Variants in ARHGEF1 observed in about 807,000 individuals in gnomAD.
The protein encoded by ARHGEF1 is 115 kDa guanine nucleotide exchange factor.
Under a neutral mutation model 119.7 loss-of-function variants are expected in ARHGEF1, and 40 were observed. The ratio of observed to expected loss-of-function variants is 0.33; its 90% CI spans 0.26 to 0.44. The LOEUF is 0.44. ARHGEF1 is among the 20% of genes least tolerant of loss of function. The probability of loss-of-function intolerance (pLI) is 1.00; values close to 1 mark genes in which losing one functional copy is unlikely to be tolerated. For synonymous variants in ARHGEF1, 494 were observed against 521.0 expected (o/e 0.95, Z 0.71); for missense variants, 976 against 1,268.3 (o/e 0.77, Z 3.50).
Position 41,906,182 on chromosome 19 carries a change from C to T in ARHGEF1, c.2491+157C>T. ...AGCCTGCACCACTGTCCTGGGTGCC[C>T]ACGTCCCTCTTCTGCAGCCACCATC... On this transcript the variant is annotated intron_variant, in intron 26 of 28. Coordinates refer to ENST00000354532, the MANE Select transcript of ARHGEF1 (RefSeq NM_004706.4). This position sits in a 1 kb window ranked among gnomAD's most constrained non-coding sequence, Gnocchi z 4.5. 1.4e-6 allele frequency: 1 copy of T among 715,976 alleles called. No homozygotes were observed. The highest frequency in any genetic ancestry group is 2.3e-6 in the Non-Finnish European group (1 of 430,478). The allele number at this position is 715,976 out of a possible 1,614,324, so 44.4% of individuals were successfully genotyped here. A position where few individuals can be genotyped will look rare whatever the true frequency, so the allele number is the denominator to read the frequency against.
downstream of ARHGEF1, among the ~76,000 whole-genome samples, chr19:41,912,281 A>G (rs1170832850): frequency 6.6e-6 from 1 of 152,058 alleles, no homozygotes; most frequent in Non-Finnish European, 1.5e-5. Context: ...TGAGACCCCA[A>G]ATAACCAAGG....
chr19:41,928,783 C>T (rs782805327), intron 1 of ARHGEF1: 13 of 389,782 alleles, frequency 3.3e-5, no homozygotes, highest in African/African-American at 2.3e-4. Context: ...GGTGGAGAGA[C>T]CCCCCTCCTC....
chr19:41,885,233 C>A (rs964853278), intron 1 of ARHGEF1, among the ~76,000 whole-genome samples: 1 of 152,140 alleles, frequency 6.6e-6, no homozygotes, highest in African/African-American at 2.4e-5. Context: ...CCTAAACAGG[C>A]GACACTCCTC....
downstream of ARHGEF1, chr19:41,909,262 G>C (rs2074739018): frequency 1.4e-5 from 17 of 1,232,406 alleles, no homozygotes; most frequent in African/African-American, 1.6e-5. This position sits in a 1 kb window ranked among gnomAD's most constrained non-coding sequence, Gnocchi z 5.2. Flanking sequence ...CAGGACCCCA[G>C]TACCCAGACT....
chr19:41,913,010 C>T (rs2074762998), intron 18 of ARHGEF1: 3 of 592,870 alleles, frequency 5.1e-6, no homozygotes, highest in Non-Finnish European at 7.4e-6. Context: ...GGGCGCTGCC[C>T]GGGGCCTTCC....
chr19:41,922,573 G>T (rs578203254), upstream of ARHGEF1, among the ~76,000 whole-genome samples: 2 of 152,240 alleles, frequency 1.3e-5, no homozygotes, highest in South Asian at 2.1e-4. Flanking sequence ...AAACATGAGG[G>T]GCAGAGAACT....
At chr19:41,897,773 G>A (rs886905374) in intron 13 of ARHGEF1, 25 of 566,828 alleles carry the variant, frequency 4.4e-5, no homozygotes, top group East Asian at 2.0e-4. Context: ...CCCTGTCCTC[G>A]TCTCTCCCCA....
rs894839192 is a variant in ARHGEF1, at chr19:41,917,964, T to C, written c.1866-5128T>C. On this transcript the variant is annotated intron_variant, in intron 18 of 20. Coordinates refer to the ARHGEF1 transcript ENST00000599589. This position sits in a 1 kb window ranked among gnomAD's most constrained non-coding sequence, Gnocchi z 4.8. ...CTCACACACCTGTCCGTCCAGACTA[T>C]AGCCACGTCCATGTGTACACAGAGC... Among the ~76,000 whole-genome samples, 25 of 151,862 alleles carry C rather than the reference T, an allele frequency of 1.6e-4. No homozygotes were observed. The highest frequency in any genetic ancestry group is 5.6e-4 in the African/African-American group (23 of 41,254).
At chr19:41,908,985 T>C, downstream of ARHGEF1, 1 of 955,862 alleles carries the variant, frequency 1.0e-6, no homozygotes, top group East Asian at 3.3e-5. The surrounding 1 kb of genome is among the most constrained non-coding windows in gnomAD (Gnocchi z 6.7). Flanking sequence ...TCTCTTGTCT[T>C]TTCTCATCCT....
rs1327130269 is a variant in ARHGEF1 at position 41,904,774 on chromosome 19, T to C, written c.2162-175T>C. Among the ~76,000 whole-genome samples, 2 of 151,528 alleles carry C rather than the reference T, an allele frequency of 1.3e-5. No homozygotes were observed. The highest frequency in any genetic ancestry group is 4.9e-5 in the African/African-American group (2 of 41,196). Reference sequence around the variant, plus strand: ...CGATTCCATAAGGAGGTGTGAGAGGTGGGGCTCAGGAGGACACATCGGGCC... The same window carrying C: ...CGATTCCATAAGGAGGTGTGAGAGGCGGGGCTCAGGAGGACACATCGGGCC... On this transcript the variant is annotated intron_variant, in intron 22 of 28. Transcript: ENST00000354532. The surrounding 1 kb of genome is among the most constrained non-coding windows in gnomAD (Gnocchi z 8.4).
In ARHGEF1 at chr19:41,902,114, G is replaced by A. The variant is rs782319884; in HGVS notation, c.1414+81G>A. ...CTCTAGCCCTGGGTTCAACCTGCTCGGGAACCCCAGGGTTCACATGGGGTG... is the reference window on the plus strand; with the variant it reads ...CTCTAGCCCTGGGTTCAACCTGCTCAGGAACCCCAGGGTTCACATGGGGTG... On this transcript the variant is annotated intron_variant, in intron 15 of 28. Transcript: ENST00000354532. The surrounding 1 kb of genome is among the most constrained non-coding windows in gnomAD (Gnocchi z 6.5). 7.2e-5 allele frequency: 114 copies of A among 1,579,098 alleles called. No homozygotes were observed. Among genetic ancestry groups the A allele is most frequent in the African/African-American group, 2.3e-4 (17 of 74,204 alleles).
chr19:41,920,308 CAT>C (rs2074833881), upstream of ARHGEF1, among the ~76,000 whole-genome samples: 1 of 145,674 alleles, frequency 6.9e-6, no homozygotes, highest in Non-Finnish European at 1.5e-5. Flanking sequence ...CGCTCACAGA[CAT>C]GACATGCCCA....
At position 41,906,846 on chromosome 19, in the gene ARHGEF1, G is replaced by T; in HGVS notation, c.*17+43G>T. The stretch of plus-strand genomic sequence containing the variant: ...GGGCCAGGGCGCTGTCCTGAAAGGA[G>T]GGTCCCCCTCCAGAGCTCGCATCCC... On this transcript the variant is annotated intron_variant, in intron 28 of 28. Coordinates refer to ENST00000354532, the MANE Select transcript of ARHGEF1 (RefSeq NM_004706.4). This position sits in a 1 kb window ranked among gnomAD's most constrained non-coding sequence, Gnocchi z 4.5. 1 of 1,494,194 alleles carries T rather than the reference G, an allele frequency of 6.7e-7. No individual in the cohort carries two copies. The highest frequency in any genetic ancestry group is 2.3e-5 in the East Asian group (1 of 42,896). The allele number at this position is 1,494,194 out of a possible 1,614,324, so 92.6% of individuals were successfully genotyped here. A position where few individuals can be genotyped will look rare whatever the true frequency, so the allele number is the denominator to read the frequency against.
chr19:41,922,804 G>A (rs1403900879), upstream of ARHGEF1, among the ~76,000 whole-genome samples: 2 of 152,218 alleles, frequency 1.3e-5, no homozygotes, highest in Non-Finnish European at 2.9e-5. Flanking sequence ...GATGGGATGA[G>A]AGCAATAAAT....
intron 13 of ARHGEF1, chr19:41,897,101 C>T (rs1186973517): frequency 2.8e-6 from 1 of 361,610 alleles, no homozygotes; most frequent in Non-Finnish European, 5.3e-6. Flanking sequence ...CTGCCCCCCA[C>T]CCCCCGCCTC....
rs1290663467 is a variant in ARHGEF1, at chr19:41,913,285, C to CT, written c.1865+6482_1865+6483insT. Among the ~76,000 whole-genome samples, 3 of 144,904 alleles carry CT rather than the reference C, an allele frequency of 2.1e-5. No individual in the cohort carries two copies. In the East Asian group the frequency reaches 6.0e-4, roughly 29 times the overall value. On this transcript the variant is annotated intron_variant, in intron 18 of 20. Transcript: ENST00000599589. The stretch of plus-strand genomic sequence containing the variant: ...CACGCCCGCCCGCCCGCCCGCCGCT[C>CT]GCGCCCCGCACCGTCTCTGCTGCCG...
chr19:41,923,390 T>C (rs1229164431), intron 1 of ARHGEF1, among the ~76,000 whole-genome samples: 2 of 151,182 alleles, frequency 1.3e-5, no homozygotes, highest in Non-Finnish European at 2.9e-5. Flanking sequence ...AGACCCTGTA[T>C]GGAGAAAAAC....
downstream of ARHGEF1, chr19:41,909,936 C>T (rs1555851109): frequency 6.2e-7 from 1 of 1,613,846 alleles, no homozygotes; most frequent in Non-Finnish European, 8.5e-7. The surrounding 1 kb of genome is among the most constrained non-coding windows in gnomAD (Gnocchi z 5.2). Flanking sequence ...CGGGCCACCT[C>T]ATCGGGGTCT....
chr19:41,888,024 C>A lies in ARHGEF1; in HGVS notation c.-19-40C>A. ...TGTGAGTAACCACCCTGGGCCGCCT[C>A]CTCCCACCCTCCTAACCACAGCCCC... On this transcript the variant is annotated intron_variant, in intron 1 of 28. Transcript: ENST00000354532. The surrounding 1 kb of genome is among the most constrained non-coding windows in gnomAD (Gnocchi z 5.1). The A allele has an allele frequency of 6.3e-7, 1 of 1,599,258 alleles. No homozygotes were observed. The highest frequency in any genetic ancestry group is 8.5e-7 in the Non-Finnish European group (1 of 1,174,248).
Sources: gnomAD v4.1 joint callset for allele counts (sites outside exome capture counted in the v4.1 genomes callset) on GRCh38, gnomAD v4.1.1 for gene constraint, Gnocchi (gnomAD v3.1) non-coding constraint, MANE v1.5 for transcripts, NCBI Gene and HGNC (gene_info 2026-07-23, HGNC 2026-07-21) for gene names.